KDM4C: variants seen among roughly 807,000 people sequenced by gnomAD.
The protein encoded by KDM4C is lysine-specific demethylase 4C.
In KDM4C, 81 loss-of-function variants were observed where a neutral mutation model predicts 129.3. The ratio of observed to expected loss-of-function variants is 0.63; its 90% CI spans 0.52 to 0.75. KDM4C has a LOEUF of 0.75. KDM4C is among the 30% of genes least tolerant of loss of function. The probability of loss-of-function intolerance (pLI) is 0.00; values close to 1 mark genes in which losing one functional copy is unlikely to be tolerated. For synonymous variants in KDM4C, 573 were observed against 456.1 expected, an observed-to-expected ratio of 1.26 and a Z score of -3.26; for missense variants, 1,457 against 1,304.0, an observed-to-expected ratio of 1.12 and a Z score of -1.81.
At chr9:6,990,350 G>A in intron 11 of KDM4C, 66 bp from the exon 12 acceptor site, 1 of 1,008,954 alleles carries the variant, frequency 9.9e-7, no homozygotes, top group South Asian at 1.4e-5. Context: ...TGAACTGTAG[G>A]GTTTTTTTTT....
chr9:7,004,887 GT>G (rs1422233603), intron 12 of KDM4C, among the ~76,000 whole-genome samples: 7 of 152,174 alleles, frequency 4.6e-5, no homozygotes, highest in Non-Finnish European at 8.8e-5. Flanking sequence ...GCGGGGTTCT[GT>G]CCTGCAGACC....
At chr9:6,778,950 G>T (rs1823694212) in intron 1 of KDM4C, among the ~76,000 whole-genome samples, 1 of 151,188 alleles carries the variant, frequency 6.6e-6, no homozygotes, top group Admixed American at 6.6e-5. Context: ...TTTAACTCCT[G>T]ACCTCAGGTG....
intron 1 of KDM4C, among the ~76,000 whole-genome samples, chr9:6,785,068 G>C (rs904649545): frequency 6.6e-6 from 1 of 152,118 alleles, no homozygotes; most frequent in Non-Finnish European, 1.5e-5. Flanking sequence ...GTTACCTAGG[G>C]CTAATGTAAC....
intron 17 of KDM4C, among the ~76,000 whole-genome samples, chr9:7,092,942 C>T (rs149553502): frequency 1.1e-4 from 16 of 152,196 alleles, no homozygotes; most frequent in African/African-American, 3.9e-4. Context: ...ATTATAAAAG[C>T]CATGCCAAGA....
chr9:6,849,431 G>A, intron 4 of KDM4C, 76 bp from the exon 5 acceptor site: 1 of 1,261,742 alleles, frequency 7.9e-7, no homozygotes, highest in Non-Finnish European at 1.1e-6. Context: ...GGTGGATAGT[G>A]GTTTGATTAG....
In KDM4C at chr9:6,895,195, A is replaced by G. The variant is rs147539642; in HGVS notation, c.921+1963A>G. Reference sequence around the variant, plus strand: ...CCACAAACTTTGTGTTTAGAACAATAGCCATTTATTATCTCATGGTTCTGT... The same window carrying G: ...CCACAAACTTTGTGTTTAGAACAATGGCCATTTATTATCTCATGGTTCTGT... On this transcript the variant is annotated intron_variant, in intron 8 of 21. Transcript: ENST00000381309. Among the ~76,000 whole-genome samples the G allele has an allele frequency of 3.1e-3, 477 of 152,312 alleles. 1 individual carries two copies. Among genetic ancestry groups the G allele is most frequent in the African/African-American group, 0.01 (425 of 41,554 alleles).
chr9:6,878,912 A>G (rs1844004435), intron 5 of KDM4C, among the ~76,000 whole-genome samples: 1 of 152,222 alleles, frequency 6.6e-6, no homozygotes, highest in Admixed American at 6.5e-5. Flanking sequence ...ATTGGGTGAT[A>G]GTCATTTAGT....
chr9:6,791,401 C>T (rs530713451), intron 1 of KDM4C, among the ~76,000 whole-genome samples: 2 of 152,308 alleles, frequency 1.3e-5, no homozygotes, highest in South Asian at 2.1e-4. Flanking sequence ...CTATCACTCC[C>T]AGCCCTTGTG....
rs77966670 is a variant in KDM4C at position 7,135,792 on chromosome 9, C to T, written c.2781+7556C>T. Among the ~76,000 whole-genome samples, 1,515 of 152,294 alleles carry T rather than the reference C, an allele frequency of 9.9e-3. 26 individuals carry two copies. The highest frequency in any genetic ancestry group is 0.034 in the African/African-American group (1,417 of 41,552). On this transcript the variant is annotated intron_variant, in intron 19 of 21. Transcript: ENST00000381309. ...TTGGGAAGCAATTTTGGATCTTCGT[C>T]GGTGTCTACACTTTGAGGTGCTCTG... is the stretch of plus-strand genomic sequence containing the variant.
intron 11 of KDM4C, among the ~76,000 whole-genome samples, chr9:6,988,496 A>T (rs2131889004): frequency 1.0e-5 from 1 of 97,116 alleles, no homozygotes; most frequent in East Asian, 3.2e-4. Flanking sequence ...TCCTTTTCTT[A>T]CACCATGGTG....
intron 4 of KDM4C, among the ~76,000 whole-genome samples, chr9:6,849,004 T>C (rs1335209971): frequency 6.6e-6 from 1 of 152,184 alleles, no homozygotes; most frequent in Non-Finnish European, 1.5e-5. Flanking sequence ...TAAGATTGAA[T>C]GGATAGGGAT....
In KDM4C at chr9:6,984,330, C is replaced by G. The variant is rs751781370; in HGVS notation, c.1280C>G (p.Ala427Gly). The G allele has an allele frequency of 5.6e-6, 9 of 1,613,906 alleles. No individual in the cohort carries two copies. The African/African-American group carries it at 1.1e-4, about 19-fold the overall frequency. The change falls in exon 10 of 22, where the codon GCA becomes GGA. Residue 427 changes from alanine (A) to glycine (G), a missense_variant. Physicochemically the swap from Ala to Gly is moderately conservative, Grantham distance 60 (BLOSUM62 0). Coordinates refer to ENST00000381309, the MANE Select transcript of KDM4C (RefSeq NM_015061.6). ...GCAGTGAAGCTGAGGAACACAGAAGCATCTTCAGAAGAAGAGTCATCTGCT... is the reference window on the plus strand; with the variant it reads ...GCAGTGAAGCTGAGGAACACAGAAGGATCTTCAGAAGAAGAGTCATCTGCT... ...EAAVKLRNTE[A>G]SSEEESSASR...
intron 1 of KDM4C, among the ~76,000 whole-genome samples, chr9:6,784,929 A>G (rs1825153333): frequency 6.6e-6 from 1 of 152,178 alleles, no homozygotes; most frequent in African/African-American, 2.4e-5. Context: ...CCCAGTTTAG[A>G]ACCATTTGAG....
intron 1 of KDM4C, among the ~76,000 whole-genome samples, chr9:6,740,054 T>TA (rs754506465): frequency 3.3e-5 from 5 of 150,934 alleles, no homozygotes; most frequent in African/African-American, 7.3e-5. Context: ...CACACTCAGC[T>TA]AATTTTTGTA....
intron 17 of KDM4C, among the ~76,000 whole-genome samples, chr9:7,078,161 G>T (rs1438857250): frequency 6.6e-6 from 1 of 152,156 alleles, no homozygotes; most frequent in South Asian, 2.1e-4. Flanking sequence ...GTCTCTGGAT[G>T]ACAGGATATT....
intron 19 of KDM4C, 66 bp downstream of exon 19, chr9:7,128,302 G>A (rs1237235141): frequency 4.5e-5 from 59 of 1,306,498 alleles, no homozygotes; most frequent in Non-Finnish European, 5.7e-5. Context: ...AAGTAACTGA[G>A]CCCTTCAGAA....
intron 15 of KDM4C, among the ~76,000 whole-genome samples, chr9:7,023,364 T>C (rs1453453472): frequency 6.6e-6 from 1 of 152,184 alleles, no homozygotes; most frequent in African/African-American, 2.4e-5. Flanking sequence ...GATTCAATCT[T>C]AGTAGGTTGA....
At chr9:7,068,972 C>T (rs1832830591) in intron 17 of KDM4C, among the ~76,000 whole-genome samples, 2 of 152,058 alleles carry the variant, frequency 1.3e-5, no homozygotes, top group Non-Finnish European at 2.9e-5. Context: ...GCTGGGATTA[C>T]AGGCGTGAGC....
chr9:6,933,953 G>A (rs1356977863), intron 8 of KDM4C, among the ~76,000 whole-genome samples: 1 of 151,938 alleles, frequency 6.6e-6, no homozygotes, highest in African/African-American at 2.4e-5. Context: ...GGGTTCAAGT[G>A]ATTCTCCTGC....
Sources: allele counts gnomAD v4.1 joint callset (sites outside exome capture counted in the v4.1 genomes callset), GRCh38; gene constraint gnomAD v4.1.1; transcripts MANE v1.5; gene names NCBI Gene and HGNC (gene_info 2026-07-23, HGNC 2026-07-21).